The following MS4A7 variants were observed in gnomAD, a reference collection of about 807,000 sequenced individuals.
MS4A7 encodes the protein membrane spanning 4-domains A7.
In MS4A7, 21 loss-of-function variants were observed where a neutral mutation model predicts 23.5. That is an observed-to-expected ratio of 0.89 (90% CI 0.63 to 1.29). The LOEUF (loss-of-function observed/expected upper bound fraction) is 1.29. Ranked by LOEUF, MS4A7 falls within the 50% of genes most tolerant of loss-of-function variation. MS4A7 has a pLI of 0.00. For synonymous variants in MS4A7, 111 were observed against 107.4 expected (o/e 1.03, Z -0.21); for missense variants, 263 against 274.2 (o/e 0.96, Z 0.29).
chr11:60,389,626 A>G (rs376464405), intron 5 of MS4A7, 30 bp downstream of exon 5: 1 of 1,591,482 alleles, frequency 6.3e-7, no homozygotes, highest in Admixed American at 1.7e-5. Flanking sequence ...ATATCCTGTC[A>G]TGTGAAATCT....
intron 4 of MS4A7, 166 bp from the exon 5 acceptor site, chr11:60,389,224 A>G: frequency 1.7e-6 from 1 of 599,850 alleles, no homozygotes. Flanking sequence ...GATTAACTAA[A>G]TAGCGACAAG....
At chr11:60,382,266 A>G (rs536583049) in intron 1 of MS4A7, among the ~76,000 whole-genome samples, 2 of 152,340 alleles carry the variant, frequency 1.3e-5, no homozygotes, top group Admixed American at 1.3e-4. Context: ...GAGGAGGAGA[A>G]TTAACATGGC....
chr11:60,381,838 C>G (rs780209691), intron 1 of MS4A7, among the ~76,000 whole-genome samples: 1 of 152,048 alleles, frequency 6.6e-6, no homozygotes, highest in Non-Finnish European at 1.5e-5. Context: ...GACTGGACTC[C>G]AAGACATATG....
At chr11:60,385,024 C>A in intron 2 of MS4A7, 64 bp from the exon 3 acceptor site, 1 of 1,431,214 alleles carries the variant, frequency 7.0e-7, no homozygotes, top group Non-Finnish European at 9.8e-7. Context: ...TTACCGTGTG[C>A]ATTCAAATAA....
In MS4A7 at chr11:60,393,927, C is replaced by A; in HGVS notation, c.*66C>A. The A allele has an allele frequency of 9.7e-7, 1 of 1,035,192 alleles. No individual in the cohort carries two copies. The highest frequency in any genetic ancestry group is 1.7e-5 in the South Asian group (1 of 58,194). The allele number at this position is 1,035,192 out of a possible 1,614,324, so 64.1% of individuals were successfully genotyped here. ...TCATGGTCAAGTGTGATTAGACTTT[C>A]CTGAAATCTCTGCCATTTTAGATAC... On this transcript the variant is annotated 3_prime_UTR_variant, in exon 7 of 7. Coordinates refer to ENST00000300184, the MANE Select transcript of MS4A7 (RefSeq NM_021201.5).
At chr11:60,382,281 A>G (rs971929432) in intron 1 of MS4A7, among the ~76,000 whole-genome samples, 55 of 152,202 alleles carry the variant, frequency 3.6e-4, no homozygotes, top group African/African-American at 1.3e-3. Flanking sequence ...CATGGCATAG[A>G]GAAAAAAATA....
intron 1 of MS4A7, among the ~76,000 whole-genome samples, chr11:60,379,660 G>A (rs1273405000): frequency 6.6e-6 from 1 of 152,248 alleles, no homozygotes; most frequent in East Asian, 1.9e-4. Context: ...AGCCTCCTGA[G>A]TAGCTGGGAT....
At chr11:60,382,280 G>C (rs2085438840) in intron 1 of MS4A7, among the ~76,000 whole-genome samples, 1 of 152,124 alleles carries the variant, frequency 6.6e-6, no homozygotes, top group Non-Finnish European at 1.5e-5. Context: ...ACATGGCATA[G>C]AGAAAAAAAT....
At chr11:60,393,689 T>C in intron 6 of MS4A7, 98 bp from the exon 7 acceptor site, 1 of 759,242 alleles carries the variant, frequency 1.3e-6, no homozygotes, top group Non-Finnish European at 2.1e-6. Context: ...TTGGAAGAAC[T>C]AGTACTACAC....
chr11:60,388,084 T>C (rs77256998), intron 4 of MS4A7, among the ~76,000 whole-genome samples: 1,637 of 152,336 alleles, frequency 0.011, 78 homozygotes, highest in Admixed American at 0.083. Context: ...TCTGTAGCTA[T>C]ATGGATTCAT....
chr11:60,379,559 G>GA lies in MS4A7; in HGVS notation c.-14+898dup, dbSNP rs2085407342. Among the ~76,000 whole-genome samples, 4 of 148,250 alleles carry GA rather than the reference G, an allele frequency of 2.7e-5. No individual in the cohort carries two copies. The South Asian group carries it at 8.7e-4, about 32-fold the overall frequency. ...GTTTGTTTGTTTGTTTTTTAATTGA[G>GA]AAAGAGTTTTGCTCAGTCACCCAGG... On this transcript the variant is annotated intron_variant, in intron 1 of 6. Coordinates refer to ENST00000300184, the MANE Select transcript of MS4A7 (RefSeq NM_021201.5).
chr11:60,392,956 C>T (rs1283762954), intron 6 of MS4A7, among the ~76,000 whole-genome samples, 170 bp downstream of exon 6: 1 of 152,084 alleles, frequency 6.6e-6, no homozygotes, highest in Non-Finnish European at 1.5e-5. Flanking sequence ...CCCATCTCTA[C>T]TAAAAATATG....
chr11:60,383,038 C>A, intron 1 of MS4A7, 91 bp from the exon 2 acceptor site: 1 of 1,386,392 alleles, frequency 7.2e-7, no homozygotes, highest in Non-Finnish European at 9.9e-7. Flanking sequence ...TGGCAAATAC[C>A]TTCTTAAGTT....
Position 60,395,730 on chromosome 11 carries a change from T to G in MS4A7, c.*1869T>G, listed in dbSNP as rs1289250796. ...AGCATCTTTACTACTGATTTTTTTT[T>G]GTTTAATTTGAAAATGCAAAGAATT... On this transcript the variant is annotated 3_prime_UTR_variant, in exon 7 of 7. Coordinates refer to ENST00000300184, the MANE Select transcript of MS4A7 (RefSeq NM_021201.5). The G allele has an allele frequency of 6.6e-6, 1 of 152,168 alleles. No homozygotes were observed. Among genetic ancestry groups the G allele is most frequent in the Non-Finnish European group, 1.5e-5 (1 of 68,014 alleles). The allele number at this position is 152,168 out of a possible 1,614,324, so 9.4% of individuals were successfully genotyped here.
At chr11:60,383,366 C>T (rs2135094828) in intron 2 of MS4A7, 78 bp downstream of exon 2, 1 of 1,513,350 alleles carries the variant, frequency 6.6e-7, no homozygotes. Flanking sequence ...TACAGTGGGT[C>T]TGGGAAACTC....
In MS4A7 at chr11:60,391,111, G is replaced by T. The variant is rs892185078; in HGVS notation, c.546+1515G>T. On this transcript the variant is annotated intron_variant, in intron 5 of 6. Transcript: ENST00000300184. ...TGGACAGGGCCATAAAGCTCATATG[G>T]AGTACCCTGCAAAAATGTTGAAAGC... is the stretch of plus-strand genomic sequence containing the variant. Among the ~76,000 whole-genome samples the T allele has an allele frequency of 3.3e-5, 5 of 152,252 alleles. No individual in the cohort carries two copies. The South Asian group carries it at 8.3e-4, about 25-fold the overall frequency.
Position 60,392,806 on chromosome 11 carries a change from G to T in MS4A7, c.648+20G>T. On this transcript the variant is annotated intron_variant, in intron 6 of 6. Transcript: ENST00000300184. ...CCTGGGGTGAGTATGCTGACATGTC[G>T]CCTGATACCTGCTGTGTCTCAGGTC... The T allele has an allele frequency of 6.6e-7, 1 of 1,515,896 alleles. No individual in the cohort carries two copies. Among genetic ancestry groups the T allele is most frequent in the Admixed American group, 1.7e-5 (1 of 59,712 alleles). The allele number at this position is 1,515,896 out of a possible 1,614,324, so 93.9% of individuals were successfully genotyped here.
At chr11:60,383,993 G>A (rs541125739) in intron 2 of MS4A7, among the ~76,000 whole-genome samples, 34 of 152,046 alleles carry the variant, frequency 2.2e-4, no homozygotes, top group East Asian at 9.6e-4. Flanking sequence ...ATTTTTCCCC[G>A]TTCATATGAG....
intron 4 of MS4A7, among the ~76,000 whole-genome samples, chr11:60,388,296 AT>A (rs1209733717): frequency 3.3e-5 from 5 of 152,224 alleles, no homozygotes; most frequent in Non-Finnish European, 7.4e-5. Context: ...CATCTTCCAC[AT>A]TTTATAAAAG....
Sources: gnomAD v4.1 joint callset for allele counts (sites outside exome capture counted in the v4.1 genomes callset) on GRCh38, gnomAD v4.1.1 for gene constraint, MANE v1.5 for transcripts, NCBI Gene and HGNC (gene_info 2026-07-23, HGNC 2026-07-21) for gene names.